EXTL3: variants seen among roughly 807,000 people sequenced by gnomAD.
The protein encoded by EXTL3 is exostosin like glycosyltransferase 3.
EXTL3 carries 27 observed loss-of-function variants against 69.3 expected under a neutral mutation model. The ratio of observed to expected loss-of-function variants is 0.39; its 90% confidence interval spans 0.29 to 0.54. EXTL3 has a LOEUF of 0.54. EXTL3 is among the 20% of genes least tolerant of loss of function. EXTL3 has a pLI of 0.69. For synonymous variants in EXTL3, 511 were observed against 499.4 expected (o/e 1.02, Z -0.31); for missense variants, 1,003 against 1,231.8 (o/e 0.81, Z 2.78).
intron 4 of EXTL3, among the ~76,000 whole-genome samples, chr8:28,731,664 A>G (rs1801541037): frequency 6.6e-6 from 1 of 152,122 alleles, no homozygotes; most frequent in African/African-American, 2.4e-5. Context: ...TCCAAACCAC[A>G]TGGGCAGAGA....
intron 1 of EXTL3, among the ~76,000 whole-genome samples, chr8:28,704,084 C>G (rs954090634): frequency 1.3e-5 from 2 of 152,128 alleles, no homozygotes; most frequent in Non-Finnish European, 2.9e-5. Flanking sequence ...TCATTCAGAC[C>G]TCTTGGGTGA....
intron 1 of EXTL3, among the ~76,000 whole-genome samples, chr8:28,661,891 A>G (rs185345337): frequency 6.6e-6 from 1 of 151,476 alleles, no homozygotes; most frequent in African/African-American, 2.4e-5. Flanking sequence ...TCTCAAAAAA[A>G]AAATTAAAAT....
intron 1 of EXTL3, among the ~76,000 whole-genome samples, chr8:28,626,305 CA>C (rs1806490805): frequency 6.6e-6 from 1 of 151,920 alleles, no homozygotes. Flanking sequence ...CTTGTAAAGG[CA>C]GGGGGAGCCA....
intron 1 of EXTL3, among the ~76,000 whole-genome samples, chr8:28,642,057 G>C (rs1027711156): frequency 1.3e-5 from 2 of 150,422 alleles, no homozygotes; most frequent in African/African-American, 2.4e-5. Context: ...GGATGGTCTC[G>C]ATCTCCTGAC....
chr8:28,640,983 A>T (rs1298659854), intron 1 of EXTL3, among the ~76,000 whole-genome samples: 1 of 152,100 alleles, frequency 6.6e-6, no homozygotes, highest in Non-Finnish European at 1.5e-5. Context: ...TTATAGCCTC[A>T]CGTTTTACTT....
At chr8:28,614,053 A>G (rs1265647489) in intron 2 of EXTL3, among the ~76,000 whole-genome samples, 2 of 151,108 alleles carry the variant, frequency 1.3e-5, no homozygotes, top group African/African-American at 4.9e-5. Flanking sequence ...CTGGTCTCAA[A>G]CTCCTGGCCT....
At position 28,716,813 on chromosome 8, in the gene EXTL3, C is replaced by T. The variant is rs554162593; in HGVS notation, c.754C>T (p.Arg252Trp). ...VGEMQEPVVL[R>W]PAELEKQLYS... is the part of the protein sequence containing the mutation. ...AGAGATGCAGGAGCCGGTGGTGCTG[C>T]GGCCTGCTGAGCTGGAGAAGCAGTT... The change falls in exon 3 of 7, where the codon CGG becomes TGG. Residue 252 changes from arginine to tryptophan, a missense_variant. This residue lies in a region of EXTL3 where 742 missense variants were observed against 815.4 expected (regional missense o/e 0.91). Transcript: ENST00000220562. The surrounding 1 kb of genome is among the most constrained non-coding windows in gnomAD (Gnocchi z 7.1). 3.8e-5 allele frequency: 62 copies of T among 1,614,170 alleles called. No homozygotes were observed. The highest frequency in any genetic ancestry group is 3.6e-4 in the South Asian group (33 of 91,088).
At chr8:28,712,279 A>G (rs1801045140) in intron 1 of EXTL3, among the ~76,000 whole-genome samples, 2 of 152,186 alleles carry the variant, frequency 1.3e-5, no homozygotes, top group African/African-American at 4.8e-5. Flanking sequence ...GCTGAAGCTG[A>G]GAGAGCAAGG....
At chr8:28,713,040 T>A (rs1477618279) in intron 1 of EXTL3, among the ~76,000 whole-genome samples, 1 of 152,226 alleles carries the variant, frequency 6.6e-6, no homozygotes, top group African/African-American at 2.4e-5. Context: ...GGTTCATTTC[T>A]ACCCGCAAAC....
At chr8:28,718,779 C>G (rs116902689) in intron 3 of EXTL3, among the ~76,000 whole-genome samples, 2,074 of 152,294 alleles carry the variant, frequency 0.014, 25 homozygotes, top group Non-Finnish European at 0.019. Flanking sequence ...TTTTGGAAGA[C>G]TGGAGTTGGG....
At chr8:28,702,629 T>C (rs1008598145) in intron 1 of EXTL3, among the ~76,000 whole-genome samples, 7 of 135,822 alleles carry the variant, frequency 5.2e-5, no homozygotes, top group Admixed American at 3.1e-4. Flanking sequence ...TTAAAAACTC[T>C]AAAAGCTTCA....
chr8:28,609,003 T>C (rs1435593533), intron 2 of EXTL3, among the ~76,000 whole-genome samples: 2 of 152,070 alleles, frequency 1.3e-5, no homozygotes, highest in South Asian at 2.1e-4. Context: ...TTGTGTTGGG[T>C]GATCTGAGAT....
chr8:28,743,347 T>A, intron 6 of EXTL3, 133 bp downstream of exon 6: 1 of 1,045,844 alleles, frequency 9.6e-7, no homozygotes, highest in South Asian at 1.3e-5. Flanking sequence ...ACCTACCTCA[T>A]CAAAGGATTG....
At chr8:28,608,435 T>G (rs1806230991) in intron 2 of EXTL3, among the ~76,000 whole-genome samples, 1 of 152,140 alleles carries the variant, frequency 6.6e-6, no homozygotes, top group Non-Finnish European at 1.5e-5. Context: ...AGTCTTTGAT[T>G]TACCCAATCA....
chr8:28,703,269 G>GT (rs1800850407), intron 1 of EXTL3, among the ~76,000 whole-genome samples: 1 of 152,114 alleles, frequency 6.6e-6, no homozygotes, highest in African/African-American at 2.4e-5. Flanking sequence ...ATTGACAGGC[G>GT]TATGTCTGTA....
At position 28,671,599 on chromosome 8, in the gene EXTL3, A is replaced by G. The variant is rs1429775248; in HGVS notation, c.-52-41858A>G. On this transcript the variant is annotated intron_variant, in intron 1 of 6. Coordinates refer to the EXTL3 transcript ENST00000523149. ...AGGTGGTCACCTGCTTTCGCCTCCC[A>G]AAGTGCTGGGATTACAGGCATGAGC... is the stretch of plus-strand genomic sequence containing the variant. 4.6e-5 allele frequency among the ~76,000 whole-genome samples: 7 copies of G among 152,110 alleles called. No individual in the cohort carries two copies. In the East Asian group the frequency reaches 1.4e-3, roughly 29 times the overall value.
chr8:28,701,957 C>A (rs1475045242), intron 1 of EXTL3, among the ~76,000 whole-genome samples: 1 of 152,112 alleles, frequency 6.6e-6, no homozygotes, highest in Non-Finnish European at 1.5e-5. Flanking sequence ...CGCCCTCTCT[C>A]GTCCCAGTTT....
In EXTL3 at chr8:28,717,750, AC is replaced by A; in HGVS notation, c.1695del (p.Asn566ThrfsTer30). 6.2e-7 allele frequency: 1 copy of A among 1,614,162 alleles called. No homozygotes were observed. Among genetic ancestry groups the A allele is most frequent in the Non-Finnish European group, 8.5e-7 (1 of 1,180,008 alleles). ...PHRSGKAAGT[D>X]PNMADNGDLD... ...CGTTCAGGCAAGGCGGCTGGAACTG[AC>A]CCCAACATGGCTGACAACGGGGACC... is the stretch of plus-strand genomic sequence containing the variant. On this transcript the variant is annotated frameshift_variant, in exon 3 of 7. Coordinates refer to ENST00000220562, the MANE Select transcript of EXTL3 (RefSeq NM_001440.4). LOFTEE classifies it high-confidence loss of function. This position sits in a 1 kb window ranked among gnomAD's most constrained non-coding sequence, Gnocchi z 8.3.
At chr8:28,612,348 G>C (rs943115621) in intron 2 of EXTL3, among the ~76,000 whole-genome samples, 8 of 152,106 alleles carry the variant, frequency 5.3e-5, no homozygotes, top group African/African-American at 1.7e-4. Flanking sequence ...CAGCAACTTG[G>C]GAGGCTGAGG....
Sources: gnomAD v4.1 joint callset for allele counts (sites outside exome capture counted in the v4.1 genomes callset) on GRCh38, gnomAD v4.1.1 for gene constraint, gnomAD v4.1.1 regional missense constraint, Gnocchi (gnomAD v3.1) non-coding constraint, MANE v1.5 for transcripts, NCBI Gene and HGNC (gene_info 2026-07-23, HGNC 2026-07-21) for gene names.